Variants in RBFOX1 observed in about 807,000 individuals in gnomAD.
RBFOX1 encodes RNA binding protein fox-1 homolog 1.
In RBFOX1, 8 loss-of-function variants were observed where a neutral mutation model predicts 57.7. That is an observed-to-expected ratio of 0.14 (90% confidence interval 0.08 to 0.25). The LOEUF (loss-of-function observed/expected upper bound fraction) is 0.25. Ranked by LOEUF, RBFOX1 falls within the 10% of genes least tolerant of loss-of-function variation. The pLI is 1.00. For missense variants in RBFOX1, 611 were observed against 548.5 expected, an observed-to-expected ratio of 1.11 and a Z score of -1.14; for synonymous variants, 326 against 222.4, an observed-to-expected ratio of 1.47 and a Z score of -4.15.
At chr16:6,734,957 C>T (rs1383760529) in intron 3 of RBFOX1, among the ~76,000 whole-genome samples, 1 of 152,074 alleles carries the variant, frequency 6.6e-6, no homozygotes, top group Non-Finnish European at 1.5e-5. Context: ...ATGGGCAACA[C>T]AGTGAGACTG....
chr16:7,188,907 A>C (rs980819802), intron 4 of RBFOX1, among the ~76,000 whole-genome samples: 1 of 152,168 alleles, frequency 6.6e-6, no homozygotes, highest in Non-Finnish European at 1.5e-5. Context: ...ACAGCTAAGG[A>C]TTGGGGAAAG....
rs529195596 is a variant in RBFOX1 at position 7,414,615 on chromosome 16, T to TTTTA, written c.28-103516_28-103513dup. Among the ~76,000 whole-genome samples the TTTTA allele has an allele frequency of 2.7e-4, 41 of 150,298 alleles. 1 individual carries two copies. Among genetic ancestry groups the TTTTA allele is most frequent in the South Asian group, 8.3e-4 (4 of 4,814 alleles). On this transcript the variant is annotated intron_variant, in intron 4 of 15. Transcript: ENST00000550418. Reference sequence around the variant, plus strand: ...TTTTTCAAATATTGTTTTTATTTTATTTTATTTATTTATTTATTTTGAGAT... The same window carrying TTTTA: ...TTTTTCAAATATTGTTTTTATTTTATTTTATTTATTTATTTATTTATTTTGAGAT...
intron 1 of RBFOX1, among the ~76,000 whole-genome samples, chr16:6,162,085 A>G (rs1008448893): frequency 6.6e-6 from 1 of 152,222 alleles, no homozygotes; most frequent in African/African-American, 2.4e-5. Context: ...GATTCACACA[A>G]TGCAGATTTC....
intron 4 of RBFOX1, among the ~76,000 whole-genome samples, chr16:5,934,161 T>G (rs985684785): frequency 3.3e-5 from 5 of 152,354 alleles, no homozygotes; most frequent in African/African-American, 1.2e-4. Context: ...GAGCTCAGTA[T>G]AAGGAACATG....
intron 5 of RBFOX1, among the ~76,000 whole-genome samples, chr16:7,530,023 A>AAAT (rs35955942): frequency 6.6e-6 from 1 of 151,574 alleles, no homozygotes. Context: ...AAAAAAAAAA[A>AAAT]AGTGAATTTA....
At chr16:7,415,851 C>G (rs1269657232) in intron 4 of RBFOX1, among the ~76,000 whole-genome samples, 1 of 152,156 alleles carries the variant, frequency 6.6e-6, no homozygotes, top group Non-Finnish European at 1.5e-5. Context: ...GCATCCTCTC[C>G]CGGGAAGATG....
chr16:6,921,678 T>A (rs1006201420), intron 3 of RBFOX1, among the ~76,000 whole-genome samples: 6 of 151,112 alleles, frequency 4.0e-5, no homozygotes, highest in African/African-American at 1.5e-4. Flanking sequence ...TTTCAATCAA[T>A]AGACAGTATG....
chr16:6,500,740 C>T (rs1212403417), intron 2 of RBFOX1, among the ~76,000 whole-genome samples: 1 of 152,072 alleles, frequency 6.6e-6, no homozygotes, highest in Non-Finnish European at 1.5e-5. Context: ...ATCTTGACTG[C>T]ATGTCAAGAT....
chr16:6,113,806 C>A (rs954370939), intron 1 of RBFOX1, among the ~76,000 whole-genome samples: 5 of 152,212 alleles, frequency 3.3e-5, no homozygotes. Flanking sequence ...AGGCGTCAGA[C>A]AGGCCGTGGT....
At chr16:6,459,935 G>A (rs571455543) in intron 2 of RBFOX1, among the ~76,000 whole-genome samples, 1 of 137,412 alleles carries the variant, frequency 7.3e-6, no homozygotes, top group African/African-American at 2.7e-5. Context: ...GGTGAGCTGA[G>A]ATAGTGCCAT....
intron 5 of RBFOX1, among the ~76,000 whole-genome samples, chr16:7,554,301 C>G (rs1008413458): frequency 4.6e-5 from 7 of 152,202 alleles, no homozygotes; most frequent in African/African-American, 1.7e-4. Context: ...CTTCCAAGGA[C>G]TGTGCTAAAT....
At chr16:6,390,467 C>T (rs531555679) in intron 2 of RBFOX1, among the ~76,000 whole-genome samples, 12 of 151,794 alleles carry the variant, frequency 7.9e-5, no homozygotes, top group Non-Finnish European at 1.5e-4. Context: ...GTGCCGGGCA[C>T]TGTGTTTGTT....
chr16:7,560,047 G>A (rs1333781497), intron 5 of RBFOX1, among the ~76,000 whole-genome samples: 1 of 152,160 alleles, frequency 6.6e-6, no homozygotes, highest in African/African-American at 2.4e-5. Flanking sequence ...AGTATGAATG[G>A]GTCACTCTGG....
chr16:6,512,599 C>G (rs1336933618), intron 2 of RBFOX1, among the ~76,000 whole-genome samples: 27 of 152,186 alleles, frequency 1.8e-4, no homozygotes, highest in Admixed American at 1.6e-3. Context: ...ACACCCATGA[C>G]TGATCCTAGG....
chr16:6,709,503 TGCA>T (rs2063356398), intron 3 of RBFOX1, among the ~76,000 whole-genome samples: 3 of 152,242 alleles, frequency 2.0e-5, no homozygotes. Context: ...GACCTACTGT[TGCA>T]GCAGCATTTT....
At chr16:6,496,916 C>A (rs573813676) in intron 2 of RBFOX1, among the ~76,000 whole-genome samples, 2 of 152,078 alleles carry the variant, frequency 1.3e-5, no homozygotes, top group African/African-American at 2.4e-5. Flanking sequence ...GCCGAGACTA[C>A]GCCATTGCAC....
intron 1 of RBFOX1, among the ~76,000 whole-genome samples, chr16:6,096,205 G>A (rs548987398): frequency 3.4e-4 from 52 of 152,280 alleles, no homozygotes; most frequent in African/African-American, 1.2e-3. Flanking sequence ...CCCAGGAGAA[G>A]AGCATTGTCC....
At chr16:6,521,413 C>T (rs986694520) in intron 2 of RBFOX1, among the ~76,000 whole-genome samples, 3 of 151,084 alleles carry the variant, frequency 2.0e-5, no homozygotes, top group Non-Finnish European at 4.4e-5. Context: ...TTCCTCATTT[C>T]TTTTTTCTCT....
intron 5 of RBFOX1, among the ~76,000 whole-genome samples, chr16:7,566,216 C>G (rs914671958): frequency 3.3e-5 from 5 of 152,078 alleles, no homozygotes; most frequent in Non-Finnish European, 7.4e-5. Context: ...AGAGGTCAAC[C>G]CAGGACTCTA....
Sources: allele counts gnomAD v4.1 joint callset (sites outside exome capture counted in the v4.1 genomes callset), GRCh38; gene constraint gnomAD v4.1.1; transcripts MANE v1.5; gene names NCBI Gene and HGNC (gene_info 2026-07-23, HGNC 2026-07-21).